The following DPY19L3 variants were observed in gnomAD, a reference collection of about 807,000 sequenced individuals.
DPY19L3 encodes dpy-19 like C-mannosyltransferase 3.
Under a neutral mutation model 92.3 loss-of-function variants are expected in DPY19L3, and 51 were observed. The observed-to-expected ratio is 0.55, with a 90% CI of 0.44 to 0.70. The LOEUF is 0.70. DPY19L3 is among the 30% of genes least tolerant of loss of function. The probability of loss-of-function intolerance (pLI) is 0.00; values close to 1 mark genes in which losing one functional copy is unlikely to be tolerated. For synonymous variants in DPY19L3, 309 were observed against 315.2 expected (o/e 0.98, Z 0.21); for missense variants, 706 against 855.9 (o/e 0.82, Z 2.18).
At chr19:32,428,086 C>G (rs1364499930) in intron 3 of DPY19L3, 1 of 151,456 alleles carries the variant, frequency 6.6e-6, no homozygotes, top group African/African-American at 2.4e-5. Context: ...ATTCTCATGC[C>G]TCAGCCTCCC....
chr19:32,421,684 T>TG (rs1267282867), intron 3 of DPY19L3, among the ~76,000 whole-genome samples: 20 of 143,356 alleles, frequency 1.4e-4, no homozygotes, highest in African/African-American at 5.2e-4. Flanking sequence ...TCAGATAAAG[T>TG]GAGTAAAGTG....
At chr19:32,437,007 T>G (rs999421977) in intron 5 of DPY19L3, among the ~76,000 whole-genome samples, 187 bp from the exon 6 acceptor site, 1 of 151,524 alleles carries the variant, frequency 6.6e-6, no homozygotes, top group Non-Finnish European at 1.5e-5. Context: ...TTCCTTCCCC[T>G]GTCTCTTCTC....
chr19:32,484,840 AC>A lies in DPY19L3; in HGVS notation c.*2601del, dbSNP rs1316725233. 6.6e-6 allele frequency: 1 copy of A among 152,226 alleles called. No homozygotes were observed. The highest frequency in any genetic ancestry group is 1.5e-5 in the Non-Finnish European group (1 of 68,036). The allele number at this position is 152,226 out of a possible 1,614,324, so 9.4% of individuals were successfully genotyped here. On this transcript the variant is annotated 3_prime_UTR_variant, in exon 19 of 19. Transcript: ENST00000392250. ...ATTTTCTGTAAAAATTAAGTTGAAT[AC>A]TTTGGTAAAAAGTGATAAAGGCTGA... is the stretch of plus-strand genomic sequence containing the variant.
chr19:32,417,260 T>C (rs1480837944), intron 3 of DPY19L3, among the ~76,000 whole-genome samples: 1 of 152,208 alleles, frequency 6.6e-6, no homozygotes, highest in Admixed American at 6.5e-5. Flanking sequence ...AATTGAATCA[T>C]GGGGGCGGGC....
rs574967946 is a variant in DPY19L3, at chr19:32,428,962, C to T, written c.238-3754C>T. 8.5e-5 allele frequency among the ~76,000 whole-genome samples: 13 copies of T among 152,232 alleles called. No individual in the cohort carries two copies. In the East Asian group the frequency reaches 1.9e-3, roughly 23 times the overall value. On this transcript the variant is annotated intron_variant, in intron 3 of 18. Coordinates refer to ENST00000392250, the MANE Select transcript of DPY19L3 (RefSeq NM_001172774.2). ...CTCCGAGTTCAAGTGATTCTCCTGCCTCAGCCTCCTGAGTAGCTGGGATTA... is the reference window on the plus strand; with the variant it reads ...CTCCGAGTTCAAGTGATTCTCCTGCTTCAGCCTCCTGAGTAGCTGGGATTA...
In DPY19L3 at chr19:32,476,781, G is replaced by A. The variant is rs112955121; in HGVS notation, c.1698-741G>A. 3.1e-3 allele frequency among the ~76,000 whole-genome samples: 478 copies of A among 152,132 alleles called. 1 individual carries two copies. Among genetic ancestry groups the A allele is most frequent in the African/African-American group, 0.011 (455 of 41,488 alleles). On this transcript the variant is annotated intron_variant, in intron 16 of 18. Transcript: ENST00000392250. The stretch of plus-strand genomic sequence containing the variant: ...TAGTTTCTCATAATCAGGACCAAAG[G>A]TATATGTAAAATAATTGCGTTTTCA...
intron 3 of DPY19L3, among the ~76,000 whole-genome samples, chr19:32,428,685 C>G (rs1968851736): frequency 6.6e-6 from 1 of 152,184 alleles, no homozygotes. Context: ...GGACTCTAGC[C>G]TTTTGGGCAT....
At chr19:32,443,009 CCT>C in intron 8 of DPY19L3, among the ~76,000 whole-genome samples, 1 of 152,240 alleles carries the variant, frequency 6.6e-6, no homozygotes, top group East Asian at 1.9e-4. Context: ...CATCCTGTCC[CCT>C]CTCTATCAGG....
intron 16 of DPY19L3, chr19:32,469,209 C>A (rs2145614717): frequency 6.2e-6 from 1 of 160,048 alleles, no homozygotes; most frequent in African/African-American, 2.4e-5. Flanking sequence ...TGAAAGTATT[C>A]TTTCTGGCCG....
intron 4 of DPY19L3, among the ~76,000 whole-genome samples, 181 bp downstream of exon 4, chr19:32,432,987 A>G (rs1462196438): frequency 6.6e-6 from 1 of 152,224 alleles, no homozygotes; most frequent in Non-Finnish European, 1.5e-5. Context: ...AATACTTTAT[A>G]TAACCCTCCT....
chr19:32,431,344 C>T (rs1421997001), intron 3 of DPY19L3, among the ~76,000 whole-genome samples: 1 of 150,838 alleles, frequency 6.6e-6, no homozygotes, highest in Non-Finnish European at 1.5e-5. Context: ...CACCATTGCA[C>T]TCCAGCCTGG....
At chr19:32,455,487 C>CA (rs1352174976) in intron 10 of DPY19L3, among the ~76,000 whole-genome samples, 2 of 151,988 alleles carry the variant, frequency 1.3e-5, no homozygotes, top group East Asian at 3.9e-4. Flanking sequence ...AAGCATTAAA[C>CA]AAATAATTTC....
chr19:32,475,996 C>T (rs970685919), intron 16 of DPY19L3, among the ~76,000 whole-genome samples: 2 of 152,086 alleles, frequency 1.3e-5, no homozygotes, highest in African/African-American at 4.8e-5. Flanking sequence ...CACTTAAGAA[C>T]GCTTATTGGA....
intron 3 of DPY19L3, among the ~76,000 whole-genome samples, chr19:32,421,113 T>C (rs1968553234): frequency 6.6e-6 from 1 of 152,248 alleles, no homozygotes; most frequent in Non-Finnish European, 1.5e-5. Flanking sequence ...ATTCTCTTGA[T>C]TATTCCACTA....
intron 13 of DPY19L3, 137 bp from the exon 14 acceptor site, chr19:32,463,732 C>T (rs764616720): frequency 3.6e-4 from 321 of 892,550 alleles, no homozygotes; most frequent in Non-Finnish European, 5.2e-4. Context: ...ACAACGAACC[C>T]TTCGGCAAAT....
At chr19:32,415,716 G>T (rs963805305) in intron 3 of DPY19L3, among the ~76,000 whole-genome samples, 1 of 152,172 alleles carries the variant, frequency 6.6e-6, no homozygotes, top group Non-Finnish European at 1.5e-5. Flanking sequence ...TTTAAATATT[G>T]CATTCAAATA....
chr19:32,462,842 C>G (rs1424704475), intron 12 of DPY19L3, among the ~76,000 whole-genome samples: 2 of 152,054 alleles, frequency 1.3e-5, no homozygotes, highest in East Asian at 3.8e-4. Context: ...ATTATTGTTA[C>G]TTTTATTGGG....
chr19:32,453,630 G>T (rs974851372), intron 9 of DPY19L3, among the ~76,000 whole-genome samples: 5 of 152,072 alleles, frequency 3.3e-5, no homozygotes, highest in Admixed American at 3.3e-4. Context: ...TCCTGCTTGT[G>T]TTGGGAGCGT....
At chr19:32,463,532 C>G (rs1335163331) in intron 13 of DPY19L3, 44 bp downstream of exon 13, 1 of 1,576,810 alleles carries the variant, frequency 6.3e-7, no homozygotes, top group South Asian at 1.2e-5. Flanking sequence ...TTTGATCACT[C>G]TTGATGTTAC....
Sources: allele counts gnomAD v4.1 joint callset (sites outside exome capture counted in the v4.1 genomes callset), GRCh38; gene constraint gnomAD v4.1.1; transcripts MANE v1.5; gene names NCBI Gene and HGNC (gene_info 2026-07-23, HGNC 2026-07-21).